SYNDIG1: variants seen among roughly 807,000 people sequenced by gnomAD.
SYNDIG1 encodes the protein synapse differentiation-inducing gene protein 1.
In SYNDIG1, 9 loss-of-function variants were observed where a neutral mutation model predicts 19.4. The observed-to-expected ratio is 0.46, with a 90% CI of 0.28 to 0.81. The LOEUF is 0.81. Among genes scored for constraint, SYNDIG1 ranks in the 30% least tolerant of loss-of-function variants. The pLI is 0.12. For missense variants in SYNDIG1, 311 were observed against 343.3 expected (o/e 0.91, Z 0.74); for synonymous variants, 141 against 145.9 (o/e 0.97, Z 0.24).
At chr20:24,603,061 A>G (rs1275382434) in intron 3 of SYNDIG1, among the ~76,000 whole-genome samples, 4 of 152,148 alleles carry the variant, frequency 2.6e-5, no homozygotes, top group Non-Finnish European at 4.4e-5. Flanking sequence ...TAAAGAAACA[A>G]TCTTTATTTA....
chr20:24,482,364 C>T (rs561703529), intron 1 of SYNDIG1, among the ~76,000 whole-genome samples: 4 of 152,230 alleles, frequency 2.6e-5, no homozygotes, highest in South Asian at 2.1e-4. Context: ...TCACCACGCC[C>T]GGCCGTGCAT....
At chr20:24,494,923 C>G (rs887085683) in intron 1 of SYNDIG1, among the ~76,000 whole-genome samples, 18 of 152,170 alleles carry the variant, frequency 1.2e-4, no homozygotes, top group African/African-American at 4.1e-4. Context: ...AATGTAGGAC[C>G]CTCTGTCAGG....
intron 2 of SYNDIG1, among the ~76,000 whole-genome samples, chr20:24,545,420 G>A (rs1268945613): frequency 6.6e-6 from 1 of 152,166 alleles, no homozygotes; most frequent in Non-Finnish European, 1.5e-5. Context: ...GGGCTTTGCT[G>A]ACAGCAAAGC....
chr20:24,582,648 C>T (rs181492643), intron 2 of SYNDIG1, among the ~76,000 whole-genome samples: 1 of 152,164 alleles, frequency 6.6e-6, no homozygotes, highest in Non-Finnish European at 1.5e-5. Flanking sequence ...ACAACTCCCC[C>T]GTGAATTATG....
chr20:24,600,074 T>A (rs915278053), intron 3 of SYNDIG1, among the ~76,000 whole-genome samples: 1 of 152,220 alleles, frequency 6.6e-6, no homozygotes, highest in Non-Finnish European at 1.5e-5. Context: ...TATGCTACAG[T>A]ATACAGTCAT....
intron 1 of SYNDIG1, among the ~76,000 whole-genome samples, chr20:24,523,435 A>G (rs898296634): frequency 4.6e-5 from 7 of 152,182 alleles, no homozygotes; most frequent in East Asian, 1.9e-4. Context: ...TTTGGTTTTC[A>G]GTTACGTTGG....
At chr20:24,585,056 G>GGGGGGGGGCCCC in intron 3 of SYNDIG1, 63 bp downstream of exon 3, 1 of 545,664 alleles carries the variant, frequency 1.8e-6, no homozygotes, top group Non-Finnish European at 3.4e-6. Flanking sequence ...GGTGGGGGCG[G>GGGGGGGGGCCCC]CAATCCCAGC....
At chr20:24,555,307 A>C (rs1368855477) in intron 2 of SYNDIG1, among the ~76,000 whole-genome samples, 2 of 151,910 alleles carry the variant, frequency 1.3e-5, no homozygotes, top group Non-Finnish European at 2.9e-5. Flanking sequence ...TATTTCCTTC[A>C]GTTCTGCTCT....
intron 3 of SYNDIG1, among the ~76,000 whole-genome samples, chr20:24,657,328 C>T (rs2059536523): frequency 6.6e-6 from 1 of 152,180 alleles, no homozygotes; most frequent in Admixed American, 6.5e-5. Context: ...TTGAGATCCA[C>T]AGAAGGGGCT....
At chr20:24,517,431 C>T (rs181668268) in intron 1 of SYNDIG1, among the ~76,000 whole-genome samples, 8,537 of 149,968 alleles carry the variant, frequency 0.057, 810 homozygotes, top group African/African-American at 0.19. Flanking sequence ...CTGGCTAACA[C>T]GGTGAAACCC....
chr20:24,470,963 G>C (rs1049781584), intron 1 of SYNDIG1, among the ~76,000 whole-genome samples: 1 of 151,810 alleles, frequency 6.6e-6, no homozygotes, highest in African/African-American at 2.4e-5. Context: ...CTGATTGGGG[G>C]TGTCGAGGGG....
At chr20:24,540,745 A>C (rs149094929) in intron 1 of SYNDIG1, among the ~76,000 whole-genome samples, 127 of 152,350 alleles carry the variant, frequency 8.3e-4, no homozygotes, top group African/African-American at 3.1e-3. Context: ...TCCAGAAATA[A>C]ATCTCACTTG....
At position 24,581,618 on chromosome 20, in the gene SYNDIG1, G is replaced by C. The variant is rs902232312; in HGVS notation, c.481-3238G>C. Among the ~76,000 whole-genome samples, 5 of 152,228 alleles carry C rather than the reference G, an allele frequency of 3.3e-5. No homozygotes were observed. In the South Asian group the frequency reaches 1.0e-3, roughly 32 times the overall value. On this transcript the variant is annotated intron_variant, in intron 2 of 3. Coordinates refer to ENST00000376862, the MANE Select transcript of SYNDIG1 (RefSeq NM_024893.3). Reference sequence around the variant, plus strand: ...CCACATGTTTTCAGTGAGGGATGGAGAGTGGAGTCGACAGGGCCGTGTGTG... The same window carrying C: ...CCACATGTTTTCAGTGAGGGATGGACAGTGGAGTCGACAGGGCCGTGTGTG...
intron 3 of SYNDIG1, among the ~76,000 whole-genome samples, chr20:24,648,591 G>A (rs1280088002): frequency 6.6e-6 from 1 of 152,232 alleles, no homozygotes; most frequent in Admixed American, 6.5e-5. Flanking sequence ...CTGAAAGCAG[G>A]GAGGTTCCCC....
intron 3 of SYNDIG1, among the ~76,000 whole-genome samples, chr20:24,617,466 G>A (rs1568688260): frequency 6.6e-6 from 1 of 152,222 alleles, no homozygotes; most frequent in Admixed American, 6.5e-5. Flanking sequence ...TGGAGATGCA[G>A]CAGCAATGCC....
intron 3 of SYNDIG1, among the ~76,000 whole-genome samples, chr20:24,599,335 C>G (rs1015145118): frequency 2.0e-5 from 3 of 152,110 alleles, no homozygotes; most frequent in African/African-American, 7.2e-5. Context: ...GACAAAATAA[C>G]AGATGTTGCT....
intron 1 of SYNDIG1, among the ~76,000 whole-genome samples, chr20:24,513,980 T>A (rs1299614300): frequency 1.3e-5 from 2 of 152,122 alleles, no homozygotes; most frequent in Non-Finnish European, 2.9e-5. Flanking sequence ...CAACATTCTT[T>A]AAGAAAAGAA....
intron 1 of SYNDIG1, among the ~76,000 whole-genome samples, chr20:24,506,227 C>T (rs1600467145): frequency 6.6e-6 from 1 of 152,366 alleles, no homozygotes; most frequent in African/African-American, 2.4e-5. Context: ...TCTGTCTGTC[C>T]AGCCATCCAT....
intron 1 of SYNDIG1, among the ~76,000 whole-genome samples, chr20:24,522,413 G>A (rs559344033): frequency 1.3e-5 from 2 of 152,228 alleles, no homozygotes; most frequent in East Asian, 1.9e-4. Context: ...TTCTTGATCC[G>A]TTAGCTTTAA....
Sources: gnomAD v4.1 joint callset for allele counts (sites outside exome capture counted in the v4.1 genomes callset) on GRCh38, gnomAD v4.1.1 for gene constraint, MANE v1.5 for transcripts, NCBI Gene and HGNC (gene_info 2026-07-23, HGNC 2026-07-21) for gene names.